The following RABGAP1 variants were observed in gnomAD, a reference collection of about 807,000 sequenced individuals.
The protein encoded by RABGAP1 is RAB GTPase activating protein 1, also known as rab GTPase-activating protein 1.
In RABGAP1, 23 loss-of-function variants were observed where a neutral mutation model predicts 137.6. The ratio of observed to expected loss-of-function variants is 0.17; its 90% CI spans 0.12 to 0.24. The LOEUF (loss-of-function observed/expected upper bound fraction) is 0.24. RABGAP1 is among the 10% of genes least tolerant of loss of function. RABGAP1 has a pLI of 1.00. For synonymous variants in RABGAP1, 451 were observed against 450.7 expected, an observed-to-expected ratio of 1.00 and a Z score of -0.01; for missense variants, 906 against 1,275.8, an observed-to-expected ratio of 0.71 and a Z score of 4.42.
Position 123,102,989 on chromosome 9 carries a change from C to T in RABGAP1, c.3088-102C>T, listed in dbSNP as rs556241851. ...AGACTGGGGGAATTCCCCGAGGCCT[C>T]TCCAGAGTAAATAGACTGCATTCTT... On this transcript the variant is annotated intron_variant, in intron 25 of 25. Transcript: ENST00000373647. 5.6e-6 allele frequency: 8 copies of T among 1,437,746 alleles called. No individual in the cohort carries two copies. The African/African-American group carries it at 8.6e-5, about 16-fold the overall frequency. 89.1% of individuals were successfully genotyped at this position (1,437,746 alleles called of 1,614,324 possible).
chr9:122,966,206 A>G (rs1219347867), intron 2 of RABGAP1, among the ~76,000 whole-genome samples: 1 of 152,208 alleles, frequency 6.6e-6, no homozygotes, highest in Non-Finnish European at 1.5e-5. Context: ...AGCTGCCATC[A>G]ATAGTATTTA....
rs763634770 is a variant in RABGAP1, at chr9:123,076,696, G to C, written c.2358G>C (p.Gln786His). The change falls in exon 19 of 26, where the codon CAG (glutamine) becomes CAC (histidine). Residue 786 changes from glutamine to histidine, a missense_variant. Transcript: ENST00000373647. Reference protein sequence around the residue: ...FEGALKFFRVQLPKRYRSEEN... With the variant: ...FEGALKFFRVHLPKRYRSEEN... Reference sequence around the variant, plus strand: ...GTGCCTTGAAGTTCTTTAGGGTTCAGCTTCCTAAGAGATACCGCTCAGAAG... The same window carrying C: ...GTGCCTTGAAGTTCTTTAGGGTTCACCTTCCTAAGAGATACCGCTCAGAAG... 2.5e-6 allele frequency: 4 copies of C among 1,609,646 alleles called. No homozygotes were observed. In the Admixed American group the frequency reaches 5.0e-5, roughly 20 times the overall value.
At chr9:122,989,008 G>A (rs190677801) in intron 4 of RABGAP1, among the ~76,000 whole-genome samples, 6 of 150,366 alleles carry the variant, frequency 4.0e-5, no homozygotes, top group Admixed American at 2.0e-4. Flanking sequence ...CGTATTAATC[G>A]TCTTTATTTT....
intron 6 of RABGAP1, among the ~76,000 whole-genome samples, chr9:122,991,599 C>T (rs1254468622): frequency 7.0e-6 from 1 of 143,106 alleles, no homozygotes; most frequent in Non-Finnish European, 1.5e-5. Context: ...TCTATTCTCT[C>T]TCTCTCTTTT....
chr9:122,985,950 A>G (rs1836349207), intron 3 of RABGAP1, among the ~76,000 whole-genome samples: 1 of 152,216 alleles, frequency 6.6e-6, no homozygotes, highest in South Asian at 2.1e-4. Flanking sequence ...GTAGGTACTC[A>G]AAAGGTTTTG....
chr9:122,963,825 A>G (rs182193186), intron 2 of RABGAP1, among the ~76,000 whole-genome samples: 252 of 152,332 alleles, frequency 1.7e-3, no homozygotes, highest in African/African-American at 5.7e-3. Context: ...CCAAAAATTG[A>G]TTCTTTGAAA....
Position 122,958,626 on chromosome 9 carries a change from G to A in RABGAP1, c.150+1417G>A, listed in dbSNP as rs1290904092. Among the ~76,000 whole-genome samples the A allele has an allele frequency of 2.0e-5, 3 of 152,052 alleles. No individual in the cohort carries two copies. In the East Asian group the frequency reaches 5.8e-4, roughly 29 times the overall value. The stretch of plus-strand genomic sequence containing the variant: ...TTAATGGGTGCAGCATACCAGTGTG[G>A]CACATGTATACATATGTAACAAACC... On this transcript the variant is annotated intron_variant, in intron 2 of 25. Coordinates refer to ENST00000373647, the MANE Select transcript of RABGAP1 (RefSeq NM_012197.4).
chr9:122,966,350 C>T (rs575791356), intron 2 of RABGAP1, among the ~76,000 whole-genome samples: 1 of 152,034 alleles, frequency 6.6e-6, no homozygotes, highest in South Asian at 2.1e-4. Flanking sequence ...CATGGTGACG[C>T]CCTATTTCTA....
chr9:123,101,551 A>C lies in RABGAP1; in HGVS notation c.2890-15A>C. On this transcript the variant is annotated splice_polypyrimidine_tract_variant and intron_variant, in intron 24 of 25. Coordinates refer to ENST00000373647, the MANE Select transcript of RABGAP1 (RefSeq NM_012197.4). ...TCCTCTTCTTTGCCTCTTCACATCTAACATTCAATTTCAGCAAAAAGTGGA... is the reference window on the plus strand; with the variant it reads ...TCCTCTTCTTTGCCTCTTCACATCTCACATTCAATTTCAGCAAAAAGTGGA... 6.2e-7 allele frequency: 1 copy of C among 1,611,286 alleles called. No individual in the cohort carries two copies. The highest frequency in any genetic ancestry group is 1.1e-5 in the South Asian group (1 of 90,654).
At chr9:122,974,415 C>CTTTTTTTTTTTTTT (rs11331973) in intron 2 of RABGAP1, among the ~76,000 whole-genome samples, 2 of 58,218 alleles carry the variant, frequency 3.4e-5, no homozygotes, top group African/African-American at 6.9e-5. Context: ...ATGGCTTTGT[C>CTTTTTTTTTTTTTT]TTTTTTTTTT....
intron 3 of RABGAP1, among the ~76,000 whole-genome samples, chr9:122,985,771 A>G (rs1282628919): frequency 6.6e-6 from 1 of 152,200 alleles, no homozygotes; most frequent in Non-Finnish European, 1.5e-5. Context: ...ACCGACTCTA[A>G]TAGCACTATA....
At position 122,986,377 on chromosome 9, in the gene RABGAP1, A is replaced by T; in HGVS notation, c.548A>T (p.Asp183Val). ...ILRSQCQISL[D>V]VTLSVPNVSE... ...AGAAGCCAGTGTCAGATTTCACTAG[A>T]TGTTACCCTTTCAGTGCCGAATGTG... Residue 183 changes from aspartate to valine, a missense_variant, in exon 4 of 26, where the codon GAT becomes GTT. Asp to Val is a radical substitution (Grantham distance 152). Around this residue, in one of 9 missense-constraint regions of RABGAP1, gnomAD observed 331 missense variants for 358.3 expected, o/e 0.92. Transcript: ENST00000373647. 6.2e-7 allele frequency: 1 copy of T among 1,614,130 alleles called. No individual in the cohort carries two copies. The highest frequency in any genetic ancestry group is 8.5e-7 in the Non-Finnish European group (1 of 1,180,002).
chr9:122,942,353 T>G (rs1833629640), intron 1 of RABGAP1, among the ~76,000 whole-genome samples: 1 of 152,160 alleles, frequency 6.6e-6, no homozygotes, highest in South Asian at 2.1e-4. Context: ...TAATATGTAT[T>G]GAAGACTTAA....
intron 4 of RABGAP1, among the ~76,000 whole-genome samples, chr9:122,988,391 C>A (rs1836476597): frequency 6.6e-6 from 1 of 151,986 alleles, no homozygotes; most frequent in Non-Finnish European, 1.5e-5. Context: ...TGATCAGAGT[C>A]TGGAATGTTG....
Position 123,047,919 on chromosome 9 carries a change from G to GTTTTTTTTTTTTTTTTTTT in RABGAP1, c.1795-17411_1795-17393dup, listed in dbSNP as rs59639446. Among the ~76,000 whole-genome samples the GTTTTTTTTTTTTTTTTTTT allele has an allele frequency of 4.8e-5, 3 of 62,282 alleles. 1 individual carries two copies. Among genetic ancestry groups the GTTTTTTTTTTTTTTTTTTT allele is most frequent in the Non-Finnish European group, 1.1e-4 (3 of 28,026 alleles). 40.9% of individuals were successfully genotyped at this position (62,282 alleles called of 152,430 possible). ...TATCTAGCCATTTTACAGCTGCTGG[G>GTTTTTTTTTTTTTTTTTTT]TTTTTTTTTTTTTTTTTTTTTTTTT... is the stretch of plus-strand genomic sequence containing the variant. On this transcript the variant is annotated intron_variant, in intron 13 of 25. Transcript: ENST00000373647.
intron 19 of RABGAP1, among the ~76,000 whole-genome samples, chr9:123,077,552 G>A (rs1013702289): frequency 9.9e-5 from 15 of 151,890 alleles, no homozygotes; most frequent in African/African-American, 3.4e-4. Context: ...TTTGTGATTC[G>A]CACAATTTTT....
At chr9:123,012,306 A>C (rs1041373611) in intron 11 of RABGAP1, among the ~76,000 whole-genome samples, 2 of 152,202 alleles carry the variant, frequency 1.3e-5, no homozygotes, top group African/African-American at 4.8e-5. Flanking sequence ...CTAGGTCAAC[A>C]CTGGTTAAGA....
chr9:123,000,565 T>A (rs1446540617), intron 10 of RABGAP1, among the ~76,000 whole-genome samples: 1 of 152,232 alleles, frequency 6.6e-6, no homozygotes. Context: ...TCTCAGGACA[T>A]CTCAAACTTA....
intron 13 of RABGAP1, chr9:123,034,475 C>A: frequency 3.8e-6 from 3 of 783,584 alleles, no homozygotes; most frequent in Admixed American, 2.2e-5. Flanking sequence ...TACACACATG[C>A]AAAGCTGACC....
Sources: allele counts gnomAD v4.1 joint callset (sites outside exome capture counted in the v4.1 genomes callset), GRCh38; gene constraint gnomAD v4.1.1; regional missense constraint gnomAD v4.1.1; transcripts MANE v1.5; gene names NCBI Gene and HGNC (gene_info 2026-07-23, HGNC 2026-07-21).